Variants in TENM2 observed in about 807,000 individuals in gnomAD.
TENM2 encodes teneurin transmembrane protein 2.
A neutral mutation model predicts 245.2 loss-of-function variants in TENM2; 52 were observed. That is an observed-to-expected ratio of 0.21 (90% CI 0.17 to 0.27). The LOEUF is 0.27. Among genes scored for constraint, TENM2 ranks in the 10% least tolerant of loss-of-function variants. TENM2 has a pLI of 1.00. For missense variants in TENM2, 3,046 were observed against 3,666.8 expected, an observed-to-expected ratio of 0.83 and a Z score of 4.37; for synonymous variants, 1,363 against 1,438.9, an observed-to-expected ratio of 0.95 and a Z score of 1.19.
At position 168,244,287 on chromosome 5, in the gene TENM2, A is replaced by C. The variant is rs1766354953; in HGVS notation, c.5521-133A>C. 2 of 743,056 alleles carry C rather than the reference A, an allele frequency of 2.7e-6. No individual in the cohort carries two copies. The highest frequency in any genetic ancestry group is 3.8e-5 in the South Asian group (1 of 26,508). The allele number at this position is 743,056 out of a possible 1,614,324, so 46.0% of individuals were successfully genotyped here. On this transcript the variant is annotated intron_variant, in intron 25 of 28. Coordinates refer to ENST00000518659, the Ensembl canonical transcript of TENM2. This position sits in a 1 kb window ranked among gnomAD's most constrained non-coding sequence, Gnocchi z 4.9. ...CATGATAAGGAGCTTAGAAAGCACTACTCTAACTTTGGGGTTATTTCTTCC... is the reference window on the plus strand; with the variant it reads ...CATGATAAGGAGCTTAGAAAGCACTCCTCTAACTTTGGGGTTATTTCTTCC...
intron 2 of TENM2, among the ~76,000 whole-genome samples, chr5:167,671,801 A>G (rs1755964006): frequency 1.3e-5 from 2 of 150,962 alleles, no homozygotes; most frequent in African/African-American, 4.8e-5. Context: ...CCAGAAATAT[A>G]GAATAGGCAC....
At chr5:167,639,895 A>G (rs539793789) in intron 2 of TENM2, among the ~76,000 whole-genome samples, 1 of 152,180 alleles carries the variant, frequency 6.6e-6, no homozygotes, top group Non-Finnish European at 1.5e-5. Flanking sequence ...GGATAGCTGG[A>G]GCAGGAAGGA....
intron 2 of TENM2, among the ~76,000 whole-genome samples, chr5:167,391,984 CTG>C (rs1761786408): frequency 6.6e-6 from 1 of 152,028 alleles, no homozygotes; most frequent in Admixed American, 6.6e-5. Flanking sequence ...GGTGGAGAGA[CTG>C]AAATCAGTGG....
At chr5:167,557,217 T>G (rs1180716907) in intron 2 of TENM2, among the ~76,000 whole-genome samples, 3 of 152,236 alleles carry the variant, frequency 2.0e-5, no homozygotes, top group African/African-American at 7.2e-5. Context: ...AAATGTGGAA[T>G]ATAATTTTAA....
intron 4 of TENM2, among the ~76,000 whole-genome samples, chr5:167,964,001 G>A (rs892882512): frequency 1.3e-5 from 2 of 152,062 alleles, no homozygotes; most frequent in Non-Finnish European, 2.9e-5. Context: ...CAAACATAAG[G>A]CAGAACTAAC....
At chr5:168,099,898 A>T (rs1263579276) in intron 9 of TENM2, among the ~76,000 whole-genome samples, 1 of 152,212 alleles carries the variant, frequency 6.6e-6, no homozygotes, top group Admixed American at 6.5e-5. Flanking sequence ...GATAAACTTA[A>T]AAAGAAGGCA....
intron 1 of TENM2, among the ~76,000 whole-genome samples, chr5:167,300,787 GA>G (rs1755263942): frequency 3.3e-5 from 5 of 152,062 alleles, no homozygotes; most frequent in Middle Eastern, 3.2e-3. Context: ...TGAACTGAGG[GA>G]AAAGGCAGCA....
intron 3 of TENM2, among the ~76,000 whole-genome samples, chr5:167,930,145 A>G (rs546241371): frequency 6.6e-6 from 1 of 152,214 alleles, no homozygotes; most frequent in Non-Finnish European, 1.5e-5. Context: ...CAGACCAGAG[A>G]TGTAAAAAGA....
chr5:167,044,741 C>T, the TENM2 span, among the ~76,000 whole-genome samples: 2 of 152,172 alleles, frequency 1.3e-5, no homozygotes, highest in Non-Finnish European at 2.9e-5. Context: ...CAGGTGGGCA[C>T]TAGAGCCAGA....
chr5:166,989,682 G>T, the TENM2 span, among the ~76,000 whole-genome samples: 1 of 151,420 alleles, frequency 6.6e-6, no homozygotes, highest in Non-Finnish European at 1.5e-5. Flanking sequence ...GTGAGCCACT[G>T]CACCTGGCCT....
chr5:167,476,471 G>A (rs1767382869), intron 2 of TENM2, among the ~76,000 whole-genome samples: 2 of 152,160 alleles, frequency 1.3e-5, no homozygotes, highest in South Asian at 4.1e-4. Flanking sequence ...TTATCAGAAA[G>A]GTCTTGAAGT....
chr5:167,134,665 A>G, the TENM2 span, among the ~76,000 whole-genome samples: 1 of 152,146 alleles, frequency 6.6e-6, no homozygotes, highest in Non-Finnish European at 1.5e-5. Flanking sequence ...ACCATTATTC[A>G]GCTTTCTCTG....
chr5:167,353,269 G>A (rs956210289), intron 1 of TENM2, among the ~76,000 whole-genome samples: 1 of 148,234 alleles, frequency 6.7e-6, no homozygotes, highest in Admixed American at 7.0e-5. Flanking sequence ...GGGATAAATG[G>A]TGCTGAACGT....
chr5:167,703,187 A>G (rs1758281322), intron 2 of TENM2, among the ~76,000 whole-genome samples: 1 of 152,184 alleles, frequency 6.6e-6, no homozygotes, highest in Non-Finnish European at 1.5e-5. Context: ...TTTCCAATCC[A>G]TAGCCATATA....
At chr5:167,128,171 G>C in the TENM2 span, among the ~76,000 whole-genome samples, 1 of 152,144 alleles carries the variant, frequency 6.6e-6, no homozygotes, top group Non-Finnish European at 1.5e-5. Context: ...AGGAGTGAAT[G>C]AAATGATCTA....
chr5:168,187,581 A>G (rs1460196425), intron 13 of TENM2: 3 of 152,220 alleles, frequency 2.0e-5, no homozygotes, highest in African/African-American at 7.2e-5. Flanking sequence ...CCCTGCCAGC[A>G]TATCTCAGCA....
intron 12 of TENM2, among the ~76,000 whole-genome samples, chr5:168,128,414 T>C (rs1796008014): frequency 6.6e-6 from 1 of 152,174 alleles, no homozygotes; most frequent in African/African-American, 2.4e-5. Flanking sequence ...AAGATTCCCC[T>C]CCCCATATCT....
chr5:167,056,724 G>A, the TENM2 span, among the ~76,000 whole-genome samples: 2 of 149,202 alleles, frequency 1.3e-5, no homozygotes, highest in African/African-American at 4.9e-5. Flanking sequence ...ATTTTCTGAA[G>A]TTTGAATATG....
intron 2 of TENM2, among the ~76,000 whole-genome samples, chr5:167,752,718 G>T (rs1762041615): frequency 6.6e-6 from 1 of 152,148 alleles, no homozygotes; most frequent in Non-Finnish European, 1.5e-5. Flanking sequence ...CGTGAGCGTG[G>T]CTAGTCACCT....
Sources: gnomAD v4.1 joint callset for allele counts (sites outside exome capture counted in the v4.1 genomes callset) on GRCh38, gnomAD v4.1.1 for gene constraint, Gnocchi (gnomAD v3.1) non-coding constraint, MANE v1.5 for transcripts, NCBI Gene and HGNC (gene_info 2026-07-23, HGNC 2026-07-21) for gene names.